The following SLC30A8 variants were observed in gnomAD, a reference collection of about 807,000 sequenced individuals.
The protein encoded by SLC30A8 is solute carrier family 30 member 8, also known as proton-coupled zinc antiporter SLC30A8.
Under a neutral mutation model 36.9 loss-of-function variants are expected in SLC30A8, and 27 were observed. That is an observed-to-expected ratio of 0.73 (90% CI 0.54 to 1.01). SLC30A8 has a LOEUF of 1.01. Ranked by LOEUF, SLC30A8 falls within the 50% of genes least tolerant of loss-of-function variation. SLC30A8 has a pLI of 0.00. For missense variants in SLC30A8, 439 were observed against 452.0 expected, an observed-to-expected ratio of 0.97 and a Z score of 0.26; for synonymous variants, 164 against 172.4, an observed-to-expected ratio of 0.95 and a Z score of 0.38.
At chr8:117,139,139 T>G (rs1483345414) in intron 1 of SLC30A8, among the ~76,000 whole-genome samples, 1 of 152,022 alleles carries the variant, frequency 6.6e-6, no homozygotes, top group African/African-American at 2.4e-5. Context: ...AGCCACAAAA[T>G]TTGGCCTCAA....
chr8:117,062,367 G>T (rs564340182), intron 2 of SLC30A8, among the ~76,000 whole-genome samples: 1 of 152,288 alleles, frequency 6.6e-6, no homozygotes, highest in South Asian at 2.1e-4. Context: ...TCAGCTTCTG[G>T]GGAGGCCTCA....
intron 1 of SLC30A8, among the ~76,000 whole-genome samples, chr8:116,976,242 C>CTT (rs78495363): frequency 1.0e-4 from 12 of 118,060 alleles, no homozygotes; most frequent in Admixed American, 2.4e-4. Context: ...AGTTCTCTCT[C>CTT]TTTTTTTTTT....
chr8:117,038,360 A>G (rs1419784016), intron 1 of SLC30A8, among the ~76,000 whole-genome samples: 1 of 152,164 alleles, frequency 6.6e-6, no homozygotes, highest in African/African-American at 2.4e-5. Context: ...CTTAACAATA[A>G]TTTATGTGTG....
intron 1 of SLC30A8, among the ~76,000 whole-genome samples, chr8:117,139,444 C>T (rs1345429420): frequency 6.6e-6 from 1 of 152,042 alleles, no homozygotes; most frequent in Non-Finnish European, 1.5e-5. Context: ...GAACCCTCAC[C>T]AGTGAATTTG....
At chr8:117,029,030 A>G (rs1816955015) in intron 1 of SLC30A8, among the ~76,000 whole-genome samples, 1 of 152,198 alleles carries the variant, frequency 6.6e-6, no homozygotes, top group Non-Finnish European at 1.5e-5. Context: ...AAATGCATTC[A>G]TTTAAGGAGA....
chr8:116,975,904 G>A (rs963454528), intron 1 of SLC30A8, among the ~76,000 whole-genome samples: 6 of 152,184 alleles, frequency 3.9e-5, no homozygotes, highest in African/African-American at 1.2e-4. Context: ...GTGGGAGGTA[G>A]CCCTCAGACA....
intron 2 of SLC30A8, among the ~76,000 whole-genome samples, chr8:117,057,268 A>G (rs1323301748): frequency 6.6e-6 from 1 of 152,196 alleles, no homozygotes; most frequent in African/African-American, 2.4e-5. Flanking sequence ...TGACAAATAA[A>G]GATTATACAT....
chr8:117,069,482 C>G (rs1818264741), intron 2 of SLC30A8, among the ~76,000 whole-genome samples: 1 of 152,116 alleles, frequency 6.6e-6, no homozygotes, highest in Admixed American at 6.6e-5. Context: ...AAGAATATAT[C>G]TATGGATCCT....
intron 2 of SLC30A8, among the ~76,000 whole-genome samples, chr8:117,067,067 G>A (rs1319810810): frequency 6.6e-6 from 1 of 152,068 alleles, no homozygotes; most frequent in Non-Finnish European, 1.5e-5. Flanking sequence ...TCTTCACATG[G>A]CAGCAGCAAG....
intron 2 of SLC30A8, among the ~76,000 whole-genome samples, chr8:117,044,393 A>AGGGG: frequency 6.6e-6 from 1 of 152,332 alleles, no homozygotes; most frequent in East Asian, 1.9e-4. Context: ...AGAATCCAGT[A>AGGGG]ACGAGGCCTG....
intron 1 of SLC30A8, among the ~76,000 whole-genome samples, chr8:117,017,745 G>A (rs763915890): frequency 1.3e-5 from 2 of 152,244 alleles, no homozygotes; most frequent in Non-Finnish European, 2.9e-5. Context: ...CCAGGCCATG[G>A]AAGACCTTGC....
intron 1 of SLC30A8, among the ~76,000 whole-genome samples, chr8:117,139,351 C>G (rs1008577681): frequency 4.6e-5 from 7 of 151,964 alleles, no homozygotes; most frequent in African/African-American, 1.7e-4. Context: ...ATAGCTCACT[C>G]TCTCTCTCTT....
intron 1 of SLC30A8, among the ~76,000 whole-genome samples, chr8:117,036,151 C>T (rs548801006): frequency 2.6e-5 from 4 of 152,272 alleles, no homozygotes; most frequent in African/African-American, 9.6e-5. Context: ...ACCACATGAT[C>T]TGGCTGCAAA....
chr8:117,087,824 T>C (rs1001599490), intron 2 of SLC30A8, among the ~76,000 whole-genome samples: 1 of 152,216 alleles, frequency 6.6e-6, no homozygotes, highest in East Asian at 1.9e-4. Flanking sequence ...GTCTAAAAAG[T>C]TTTTTATATT....
At chr8:117,031,106 CTAGA>C (rs1259499453) in intron 1 of SLC30A8, among the ~76,000 whole-genome samples, 2 of 152,208 alleles carry the variant, frequency 1.3e-5, no homozygotes, top group Non-Finnish European at 2.9e-5. Context: ...GAAAGCTGAA[CTAGA>C]TAGTTTTTCC....
chr8:117,004,721 A>C (rs1389755232), intron 1 of SLC30A8, among the ~76,000 whole-genome samples: 9 of 152,210 alleles, frequency 5.9e-5, no homozygotes, highest in African/African-American at 1.9e-4. Context: ...CATTTGATAC[A>C]GTGAGGGTAT....
At chr8:117,048,366 A>G (rs1417787345) in intron 2 of SLC30A8, among the ~76,000 whole-genome samples, 5 of 152,238 alleles carry the variant, frequency 3.3e-5, no homozygotes, top group African/African-American at 1.2e-4. Context: ...GCTGGCAGGT[A>G]GTGTATAGTG....
chr8:117,041,670 C>T (rs1283167725), intron 2 of SLC30A8, among the ~76,000 whole-genome samples: 1 of 150,818 alleles, frequency 6.6e-6, no homozygotes, highest in African/African-American at 2.4e-5. Flanking sequence ...CCCTGGGCAA[C>T]AAGAGGTAAA....
intron 1 of SLC30A8, among the ~76,000 whole-genome samples, chr8:116,995,277 A>C (rs1205313332): frequency 6.6e-6 from 1 of 152,076 alleles, no homozygotes; most frequent in Non-Finnish European, 1.5e-5. Context: ...GAGCTCTTGA[A>C]ATTCCAAGAA....
Sources: allele counts gnomAD v4.1 joint callset (sites outside exome capture counted in the v4.1 genomes callset), GRCh38; gene constraint gnomAD v4.1.1; transcripts MANE v1.5; gene names NCBI Gene and HGNC (gene_info 2026-07-23, HGNC 2026-07-21).